MME: variants seen among roughly 807,000 people sequenced by gnomAD.
MME encodes the protein neprilysin.
In MME, 98 loss-of-function variants were observed where a neutral mutation model predicts 113.2. That is an observed-to-expected ratio of 0.87 (90% CI 0.74 to 1.02). The LOEUF (loss-of-function observed/expected upper bound fraction) is 1.02, where lower values mean the gene tolerates loss of function less well. MME is among the 50% of genes least tolerant of loss of function. MME has a pLI of 0.00. For missense variants in MME, 836 were observed against 896.0 expected (o/e 0.93, Z 0.86); for synonymous variants, 292 against 300.6 (o/e 0.97, Z 0.30).
chr3:155,163,010 C>T lies in MME; in HGVS notation c.1660+2562C>T, dbSNP rs1722824942. 3.1e-5 allele frequency among the ~76,000 whole-genome samples: 3 copies of T among 97,974 alleles called. No individual in the cohort carries two copies. The South Asian group carries it at 1.0e-3, about 33-fold the overall frequency. 64.3% of individuals were successfully genotyped at this position (97,974 alleles called of 152,430 possible). A position where few individuals can be genotyped will look rare whatever the true frequency, so the allele number is the denominator to read the frequency against. ...CCTGGGTGACAAAACAAAACTCTGT[C>T]TCAAAAAAAAAAAAAAAAAAAGAAA... is the stretch of plus-strand genomic sequence containing the variant. On this transcript the variant is annotated intron_variant, in intron 17 of 22. Transcript: ENST00000360490.
At chr3:155,136,644 T>A (rs977003016) in intron 8 of MME, among the ~76,000 whole-genome samples, 5 of 152,234 alleles carry the variant, frequency 3.3e-5, no homozygotes, top group African/African-American at 1.2e-4. Flanking sequence ...ACATTTTTCT[T>A]AAGTTCTTGC....
chr3:155,148,802 A>T (rs1721715812), intron 16 of MME, 149 bp downstream of exon 16: 1 of 662,686 alleles, frequency 1.5e-6, no homozygotes. Context: ...GCATCTAATT[A>T]TGGTATACTA....
intron 3 of MME, among the ~76,000 whole-genome samples, chr3:155,088,697 A>G (rs995689400): frequency 1.3e-5 from 2 of 151,696 alleles, no homozygotes; most frequent in Admixed American, 1.3e-4. Context: ...AAAAAAAAAA[A>G]AAGAAAAGAA....
rs1013449056 is a variant in MME, at chr3:155,181,619, C to A, written c.*1160C>A. On this transcript the variant is annotated 3_prime_UTR_variant, in exon 23 of 23. Coordinates refer to ENST00000360490, the MANE Select transcript of MME (RefSeq NM_007289.4). ...CCCTAAGACTGTGACAACTGTCTAA[C>A]TTTAGAAGTGCATTTCTGAATAGAA... 1 of 152,104 alleles carries A rather than the reference C, an allele frequency of 6.6e-6. No individual in the cohort carries two copies. The highest frequency in any genetic ancestry group is 1.5e-5 in the Non-Finnish European group (1 of 68,026). The allele number at this position is 152,104 out of a possible 1,614,324, so 9.4% of individuals were successfully genotyped here. A position where few individuals can be genotyped will look rare whatever the true frequency, so the allele number is the denominator to read the frequency against.
intron 20 of MME, 99 bp downstream of exon 20, chr3:155,168,896 A>G: frequency 9.9e-7 from 1 of 1,006,046 alleles, no homozygotes; most frequent in Non-Finnish European, 1.5e-6. Context: ...AACTCATATA[A>G]GCAGTAAATG....
At position 155,089,187 on chromosome 3, in the gene MME, A is replaced by G. The variant is rs557943620; in HGVS notation, c.196+4093A>G. On this transcript the variant is annotated intron_variant, in intron 3 of 22. Transcript: ENST00000360490. ...CACTTAAGAAATAACAACTTAAGGC[A>G]GGGATCAAAATGCTTCAAAGTATTA... Among the ~76,000 whole-genome samples the G allele has an allele frequency of 5.9e-5, 9 of 152,330 alleles. No homozygotes were observed. In the South Asian group the frequency reaches 1.9e-3, roughly 32 times the overall value.
chr3:155,109,627 G>T (rs992695588), intron 3 of MME, among the ~76,000 whole-genome samples: 2 of 151,938 alleles, frequency 1.3e-5, no homozygotes, highest in African/African-American at 4.8e-5. Context: ...TATGTTTCTC[G>T]ATTGTCTAAT....
intron 1 of MME, among the ~76,000 whole-genome samples, chr3:155,060,706 C>T (rs192676071): frequency 6.6e-6 from 1 of 151,832 alleles, no homozygotes; most frequent in Admixed American, 6.5e-5. Flanking sequence ...AAACGTGTTT[C>T]TCACAGTTCT....
intron 17 of MME, among the ~76,000 whole-genome samples, chr3:155,163,651 A>T (rs1211881093): frequency 6.6e-6 from 1 of 152,218 alleles, no homozygotes; most frequent in African/African-American, 2.4e-5. Context: ...TTTCATTAAA[A>T]TTGCAGAAAG....
intron 8 of MME, among the ~76,000 whole-genome samples, chr3:155,124,678 G>C (rs1240535569): frequency 6.6e-6 from 1 of 151,070 alleles, no homozygotes; most frequent in Admixed American, 6.6e-5. Context: ...ATACCCTGCC[G>C]TGTGAGGTGT....
intron 17 of MME, 43 bp from the exon 18 acceptor site, chr3:155,166,859 A>C: frequency 6.2e-7 from 1 of 1,612,834 alleles, no homozygotes; most frequent in East Asian, 2.2e-5. Flanking sequence ...AATTTTAAAA[A>C]CTTATGCCAC....
intron 17 of MME, among the ~76,000 whole-genome samples, chr3:155,165,120 G>T (rs939336105): frequency 7.9e-5 from 12 of 151,952 alleles, no homozygotes; most frequent in African/African-American, 2.7e-4. Flanking sequence ...CACTTAATAG[G>T]TATTGATACT....
intron 1 of MME, among the ~76,000 whole-genome samples, chr3:155,042,459 G>A (rs903565922): frequency 6.6e-6 from 1 of 152,114 alleles, no homozygotes; most frequent in Non-Finnish European, 1.5e-5. Flanking sequence ...TCAGGGAGTA[G>A]AAGAAAGATA....
chr3:155,174,032 G>A (rs1461521024), intron 22 of MME, among the ~76,000 whole-genome samples: 2 of 151,776 alleles, frequency 1.3e-5, no homozygotes, highest in African/African-American at 4.8e-5. Flanking sequence ...AGGATTATTT[G>A]TAGACAAGAG....
At chr3:155,086,598 A>T (rs1474999797) in intron 3 of MME, among the ~76,000 whole-genome samples, 2 of 152,208 alleles carry the variant, frequency 1.3e-5, no homozygotes, top group Non-Finnish European at 2.9e-5. Flanking sequence ...AATCCCATCA[A>T]TTGGAGTGTG....
At chr3:155,071,569 T>G (rs1714557754) in intron 1 of MME, among the ~76,000 whole-genome samples, 1 of 152,220 alleles carries the variant, frequency 6.6e-6, no homozygotes, top group South Asian at 2.1e-4. Flanking sequence ...ATGTAACAAA[T>G]ATTTAGATGT....
intron 3 of MME, among the ~76,000 whole-genome samples, chr3:155,089,451 G>A (rs1290649969): frequency 2.6e-5 from 4 of 152,256 alleles, no homozygotes; most frequent in Admixed American, 6.5e-5. Flanking sequence ...GTGTATTATA[G>A]GATATTTAGT....
At chr3:155,087,342 C>A (rs909248734) in intron 3 of MME, among the ~76,000 whole-genome samples, 2 of 148,726 alleles carry the variant, frequency 1.3e-5, no homozygotes, top group Non-Finnish European at 3.0e-5. Context: ...ATGTGGGGAG[C>A]GTGAGGGAGA....
chr3:155,105,351 T>G (rs932927399), intron 3 of MME, among the ~76,000 whole-genome samples: 1 of 152,214 alleles, frequency 6.6e-6, no homozygotes, highest in Non-Finnish European at 1.5e-5. Flanking sequence ...TTCCTCTGCC[T>G]CTCTGTAGAG....
Sources: allele counts gnomAD v4.1 joint callset (sites outside exome capture counted in the v4.1 genomes callset), GRCh38; gene constraint gnomAD v4.1.1; transcripts MANE v1.5; gene names NCBI Gene and HGNC (gene_info 2026-07-23, HGNC 2026-07-21).